Variants in NRG1 observed in about 807,000 individuals in gnomAD.
The protein encoded by NRG1 is pro-neuregulin-1, membrane-bound isoform.
Under a neutral mutation model 63.8 loss-of-function variants are expected in NRG1, and 18 were observed. That is an observed-to-expected ratio of 0.28 (90% CI 0.19 to 0.42). The LOEUF (loss-of-function observed/expected upper bound fraction) is 0.42, where lower values mean the gene tolerates loss of function less well. Among genes scored for constraint, NRG1 ranks in the 10% least tolerant of loss-of-function variants. The probability of loss-of-function intolerance (pLI) is 1.00; values close to 1 mark genes in which losing one functional copy is unlikely to be tolerated. For synonymous variants in NRG1, 302 were observed against 301.3 expected, an observed-to-expected ratio of 1.00 and a Z score of -0.02; for missense variants, 762 against 814.7, an observed-to-expected ratio of 0.94 and a Z score of 0.79.
intron 1 of NRG1, among the ~76,000 whole-genome samples, chr8:32,056,956 C>G (rs923856471): frequency 6.6e-6 from 1 of 152,144 alleles, no homozygotes; most frequent in South Asian, 2.1e-4. Context: ...TGAGTAGACT[C>G]ATTTCTAACA....
rs187805901 is a variant in NRG1 at position 32,678,626 on chromosome 8, G to A, written c.503-49323G>A. On this transcript the variant is annotated intron_variant, in intron 5 of 11. Transcript: ENST00000356819. Reference sequence around the variant, plus strand: ...GGCTTTTGAAATAAGCTCCTGTCTCGATCAATTGCTTCACCTTCTTCAGAG... The same window carrying A: ...GGCTTTTGAAATAAGCTCCTGTCTCAATCAATTGCTTCACCTTCTTCAGAG... Among the ~76,000 whole-genome samples the A allele has an allele frequency of 3.3e-5, 5 of 152,174 alleles. No homozygotes were observed. In the East Asian group the frequency reaches 5.8e-4, roughly 18 times the overall value.
At chr8:31,866,357 C>A (rs1828959729) in intron 1 of NRG1, among the ~76,000 whole-genome samples, 1 of 152,114 alleles carries the variant, frequency 6.6e-6, no homozygotes, top group Admixed American at 6.6e-5. Flanking sequence ...AGTTATTTGT[C>A]TAAGTTTGGG....
chr8:32,099,091 A>G (rs1830239893), intron 1 of NRG1, among the ~76,000 whole-genome samples: 1 of 152,214 alleles, frequency 6.6e-6, no homozygotes, highest in African/African-American at 2.4e-5. Flanking sequence ...GCAAGGGTGC[A>G]ATGGGCAAAT....
intron 1 of NRG1, among the ~76,000 whole-genome samples, chr8:32,432,750 A>G (rs951775679): frequency 6.6e-6 from 1 of 151,998 alleles, no homozygotes; most frequent in African/African-American, 2.4e-5. Context: ...TGCCTCCCAA[A>G]GGGCTGGGAT....
chr8:32,551,627 A>T (rs1380085369), intron 1 of NRG1, among the ~76,000 whole-genome samples: 8 of 152,226 alleles, frequency 5.3e-5, no homozygotes, highest in African/African-American at 1.4e-4. Context: ...ACAATTAACT[A>T]AATGTTGAAT....
chr8:32,703,792 G>A (rs1479155594), intron 5 of NRG1, among the ~76,000 whole-genome samples: 9 of 152,146 alleles, frequency 5.9e-5, no homozygotes, highest in Admixed American at 5.9e-4. Context: ...GTGGTTGAAA[G>A]CTATTGCTGT....
intron 1 of NRG1, among the ~76,000 whole-genome samples, chr8:32,340,539 G>T (rs970011): frequency 0.52 from 79,019 of 152,040 alleles, 21,415 homozygotes; most frequent in Non-Finnish European, 0.61. Flanking sequence ...AAGTAGAAAT[G>T]GCATTATTTA....
chr8:31,874,073 T>C (rs1424507834), intron 1 of NRG1, among the ~76,000 whole-genome samples: 1 of 152,214 alleles, frequency 6.6e-6, no homozygotes, highest in Non-Finnish European at 1.5e-5. Flanking sequence ...GCTGATCATT[T>C]GTGTAATTGA....
intron 1 of NRG1, among the ~76,000 whole-genome samples, chr8:32,274,382 G>A (rs530746321): frequency 6.6e-6 from 1 of 152,318 alleles, no homozygotes; most frequent in South Asian, 2.1e-4. Context: ...GTAAGTACGG[G>A]ATAGGTGGAG....
chr8:31,680,838 AC>A (rs2131059906), intron 1 of NRG1, among the ~76,000 whole-genome samples: 1 of 152,250 alleles, frequency 6.6e-6, no homozygotes, highest in African/African-American at 2.4e-5. Flanking sequence ...AAATTCCTGC[AC>A]CTTTTTACTC....
At position 32,640,618 on chromosome 8, in the gene NRG1, C is replaced by CCA. The variant is rs1554614968; in HGVS notation, c.502+23734_502+23735insAC. ...GTCCTTCATCCCAAAGATCTCAGAC[C>CCA]CGCACACACACACACACACACACAC... On this transcript the variant is annotated intron_variant, in intron 5 of 11. Coordinates refer to ENST00000356819, the Ensembl canonical transcript of NRG1. Among the ~76,000 whole-genome samples the CCA allele has an allele frequency of 6.0e-5, 5 of 82,910 alleles. No homozygotes were observed. In the South Asian group the frequency reaches 2.2e-3, roughly 36 times the overall value. 54.4% of individuals were successfully genotyped at this position (82,910 alleles called of 152,430 possible).
At chr8:32,012,558 GT>G (rs1289179045) in intron 1 of NRG1, among the ~76,000 whole-genome samples, 1 of 151,996 alleles carries the variant, frequency 6.6e-6, no homozygotes, top group African/African-American at 2.4e-5. Flanking sequence ...GTACTTAGAG[GT>G]TTTTTTCTAG....
intron 1 of NRG1, among the ~76,000 whole-genome samples, chr8:31,667,474 G>A (rs1423985358): frequency 6.6e-6 from 1 of 152,202 alleles, no homozygotes; most frequent in African/African-American, 2.4e-5. Flanking sequence ...CAAGCAGCAT[G>A]TTGCATTTTG....
intron 1 of NRG1, among the ~76,000 whole-genome samples, chr8:31,922,388 T>A (rs1196838147): frequency 1.3e-5 from 2 of 152,214 alleles, no homozygotes; most frequent in African/African-American, 4.8e-5. Flanking sequence ...TGAGAAGGGA[T>A]GTCCAAAATA....
intron 1 of NRG1, among the ~76,000 whole-genome samples, chr8:32,199,378 G>A (rs1159098151): frequency 6.6e-6 from 1 of 152,168 alleles, no homozygotes; most frequent in African/African-American, 2.4e-5. Flanking sequence ...CTGCAAAGGT[G>A]TAGCCCTGAT....
chr8:32,743,623 G>T (rs989268262), intron 7 of NRG1, among the ~76,000 whole-genome samples: 1 of 121,868 alleles, frequency 8.2e-6, no homozygotes, highest in Non-Finnish European at 1.6e-5. Context: ...GGCAAAACTG[G>T]GAAGTTTGGA....
At chr8:32,290,254 A>G (rs1009930257) in intron 1 of NRG1, among the ~76,000 whole-genome samples, 1 of 152,128 alleles carries the variant, frequency 6.6e-6, no homozygotes, top group Non-Finnish European at 1.5e-5. Flanking sequence ...AAAGATAATA[A>G]AATAAAAATA....
intron 1 of NRG1, among the ~76,000 whole-genome samples, chr8:31,775,411 G>A (rs535852127): frequency 5.9e-5 from 9 of 152,232 alleles, no homozygotes; most frequent in Admixed American, 3.9e-4. Flanking sequence ...AGACAAGATG[G>A]AAATAATGCA....
rs372216683 is a variant in NRG1, at chr8:32,364,957, C to CTTTTTTTTTTTTTTTT, written c.38-230867_38-230852dup. 1.8e-3 allele frequency among the ~76,000 whole-genome samples: 190 copies of CTTTTTTTTTTTTTTTT among 108,412 alleles called. 7 individuals are homozygous for CTTTTTTTTTTTTTTTT. Among genetic ancestry groups the CTTTTTTTTTTTTTTTT allele is most frequent in the Non-Finnish European group, 2.9e-3 (160 of 55,906 alleles). 71.1% of individuals were successfully genotyped at this position (108,412 alleles called of 152,430 possible). On this transcript the variant is annotated intron_variant, in intron 1 of 10. Transcript: ENST00000519301. ...TGAATAAAATGTACTCCCTTTACTA[C>CTTTTTTTTTTTTTTTT]TTTTTTTTTTTTTTTTTTTGAGACA... is the stretch of plus-strand genomic sequence containing the variant.
Sources: allele counts gnomAD v4.1 joint callset (sites outside exome capture counted in the v4.1 genomes callset), GRCh38; gene constraint gnomAD v4.1.1; transcripts MANE v1.5; gene names NCBI Gene and HGNC (gene_info 2026-07-23, HGNC 2026-07-21).